Variants in LARGE1 observed in about 807,000 individuals in gnomAD.
LARGE1 encodes LARGE xylosyl- and glucuronyltransferase 1, also known as xylosyl- and glucuronyltransferase LARGE1.
In LARGE1, 43 loss-of-function variants were observed where a neutral mutation model predicts 87.6. The ratio of observed to expected loss-of-function variants is 0.49; its 90% CI spans 0.38 to 0.63. The LOEUF (loss-of-function observed/expected upper bound fraction) is 0.63, where lower values mean the gene tolerates loss of function less well. Ranked by LOEUF, LARGE1 falls within the 30% of genes least tolerant of loss-of-function variation. The probability of loss-of-function intolerance (pLI) is 0.00; values close to 1 mark genes in which losing one functional copy is unlikely to be tolerated. For missense variants in LARGE1, 802 were observed against 1,000.2 expected, an observed-to-expected ratio of 0.80 and a Z score of 2.67; for synonymous variants, 434 against 394.6, an observed-to-expected ratio of 1.10 and a Z score of -1.18.
At chr22:33,338,299 G>A (rs1938724385) in intron 9 of LARGE1, among the ~76,000 whole-genome samples, 1 of 152,094 alleles carries the variant, frequency 6.6e-6, no homozygotes, top group Admixed American at 6.5e-5. Context: ...GCCCAGCAGT[G>A]GCACCTCCTT....
intron 1 of LARGE1, among the ~76,000 whole-genome samples, chr22:33,874,932 C>T (rs1601829647): frequency 6.6e-6 from 1 of 152,244 alleles, no homozygotes; most frequent in East Asian, 1.9e-4. Flanking sequence ...GTTGTGATCC[C>T]CATTTTACAG....
At chr22:33,372,054 A>G (rs1474111777) in intron 9 of LARGE1, among the ~76,000 whole-genome samples, 1 of 152,166 alleles carries the variant, frequency 6.6e-6, no homozygotes, top group Non-Finnish European at 1.5e-5. Context: ...TTTATAAAAT[A>G]ACTTTTCATG....
chr22:33,753,681 G>A (rs1464941437), intron 2 of LARGE1, among the ~76,000 whole-genome samples: 1 of 152,172 alleles, frequency 6.6e-6, no homozygotes, highest in Non-Finnish European at 1.5e-5. Flanking sequence ...TAAAGGAGAT[G>A]CAGCCAATGG....
chr22:33,772,036 G>A (rs1439086895), intron 1 of LARGE1, among the ~76,000 whole-genome samples: 1 of 152,134 alleles, frequency 6.6e-6, no homozygotes, highest in Non-Finnish European at 1.5e-5. Context: ...AACTCCACTT[G>A]AAATTACTCA....
intron 1 of LARGE1, among the ~76,000 whole-genome samples, chr22:33,869,329 C>A (rs1023075736): frequency 2.0e-5 from 3 of 152,118 alleles, no homozygotes; most frequent in Non-Finnish European, 4.4e-5. Flanking sequence ...TGTGGCAAGG[C>A]TAAAATTAGG....
chr22:33,878,812 G>A (rs917821914), intron 1 of LARGE1, among the ~76,000 whole-genome samples: 15 of 152,160 alleles, frequency 9.9e-5, no homozygotes, highest in African/African-American at 3.4e-4. Flanking sequence ...TGGGATCACC[G>A]ATGGATGCTG....
At position 33,920,159 on chromosome 22, in the gene LARGE1, A is replaced by C. The variant is rs886057463; in HGVS notation, c.-247T>G. ...AGAGTTCGGGACTGCCCCCGGCTCCAAATGCCGCGGCGAGGGTCCGGGTCC... is the reference window on the plus strand; with the variant it reads ...AGAGTTCGGGACTGCCCCCGGCTCCCAATGCCGCGGCGAGGGTCCGGGTCC... On this transcript the variant is annotated 5_prime_UTR_variant, in exon 1 of 15. Coordinates refer to ENST00000397394, the MANE Select transcript of LARGE1 (RefSeq NM_133642.5). The C allele has an allele frequency of 3.9e-5, 6 of 152,244 alleles. No individual in the cohort carries two copies. 9.4% of individuals were successfully genotyped at this position (152,244 alleles called of 1,614,324 possible). A position where few individuals can be genotyped will look rare whatever the true frequency, so the allele number is the denominator to read the frequency against.
intron 1 of LARGE1, among the ~76,000 whole-genome samples, chr22:33,875,409 G>C (rs1203049955): frequency 6.6e-6 from 1 of 152,196 alleles, no homozygotes; most frequent in Non-Finnish European, 1.5e-5. Flanking sequence ...GCCACCACCT[G>C]TCCCTCTTGA....
intron 6 of LARGE1, among the ~76,000 whole-genome samples, chr22:33,476,675 G>A (rs1017750331): frequency 1.3e-5 from 2 of 151,796 alleles, no homozygotes; most frequent in Admixed American, 6.6e-5. Context: ...TTCCTTTTTG[G>A]TTCTCTTCCC....
intron 1 of LARGE1, among the ~76,000 whole-genome samples, chr22:33,863,045 A>C (rs2063978139): frequency 6.6e-6 from 1 of 152,220 alleles, no homozygotes; most frequent in Non-Finnish European, 1.5e-5. Context: ...AATGTGTTGC[A>C]GAAAGCGGTT....
At chr22:33,569,830 C>T (rs538141564) in intron 5 of LARGE1, among the ~76,000 whole-genome samples, 1 of 152,366 alleles carries the variant, frequency 6.6e-6, no homozygotes, top group Admixed American at 6.5e-5. Flanking sequence ...CTCTCCTGCA[C>T]TTGACTGAAA....
rs150205490 is a variant in LARGE1, at chr22:33,324,261, C to CAA, written c.1288-8015_1288-8014dup. 3.8e-4 allele frequency among the ~76,000 whole-genome samples: 36 copies of CAA among 94,608 alleles called. No individual in the cohort carries two copies. The South Asian group carries it at 4.3e-3, about 11-fold the overall frequency. 62.1% of individuals were successfully genotyped at this position (94,608 alleles called of 152,430 possible). On this transcript the variant is annotated intron_variant, in intron 10 of 14. Transcript: ENST00000397394. ...AAAAAAAAAAAAAAAAAAAAAAAGC[C>CAA]AAAAAAACAAAAACAAAAAGCCAAA...
chr22:33,461,218 T>C lies in LARGE1; in HGVS notation c.788-28953A>G, dbSNP rs186419468. The stretch of plus-strand genomic sequence containing the variant: ...TCCAAGGATTGCTACAGCCCAGGAG[T>C]TGGAGGTTACAGTGAGCTATGATTG... On this transcript the variant is annotated intron_variant, in intron 6 of 14. Coordinates refer to ENST00000397394, the MANE Select transcript of LARGE1 (RefSeq NM_133642.5). 1.6e-3 allele frequency among the ~76,000 whole-genome samples: 243 copies of C among 152,010 alleles called. 2 individuals are homozygous for C. The Middle Eastern group carries it at 0.017, about 11-fold the overall frequency.
At chr22:33,671,067 TC>T (rs2081394912) in intron 2 of LARGE1, among the ~76,000 whole-genome samples, 2 of 152,156 alleles carry the variant, frequency 1.3e-5, no homozygotes, top group South Asian at 4.1e-4. Context: ...CAAGCCCTGG[TC>T]GAAGTGGGGA....
intron 7 of LARGE1, among the ~76,000 whole-genome samples, chr22:33,396,151 C>T (rs746808291): frequency 2.2e-4 from 34 of 152,218 alleles, no homozygotes; most frequent in African/African-American, 7.0e-4. Context: ...ATGGACACAG[C>T]GCAGCTGCTC....
chr22:33,876,377 G>C (rs532078914), intron 1 of LARGE1, among the ~76,000 whole-genome samples: 248 of 152,148 alleles, frequency 1.6e-3, no homozygotes, highest in Middle Eastern at 3.4e-3. Context: ...TGATGGGAGA[G>C]GGGGAGGTGC....
chr22:33,608,081 C>G (rs569801483), intron 4 of LARGE1, among the ~76,000 whole-genome samples: 1 of 152,296 alleles, frequency 6.6e-6, no homozygotes, highest in African/African-American at 2.4e-5. Context: ...ACCAGGGAGA[C>G]AGACGGTCCA....
At chr22:33,334,967 T>C (rs557808381) in intron 10 of LARGE1, among the ~76,000 whole-genome samples, 46 of 152,078 alleles carry the variant, frequency 3.0e-4, no homozygotes, top group African/African-American at 1.0e-3. Context: ...GGGAAGGAGA[T>C]GGTAGGAAAA....
intron 9 of LARGE1, among the ~76,000 whole-genome samples, chr22:33,341,389 C>T (rs953374322): frequency 6.6e-6 from 1 of 152,068 alleles, no homozygotes; most frequent in Non-Finnish European, 1.5e-5. Flanking sequence ...TGGGTATCCA[C>T]AGCTCAGTCA....
Sources: gnomAD v4.1 joint callset for allele counts (sites outside exome capture counted in the v4.1 genomes callset) on GRCh38, gnomAD v4.1.1 for gene constraint, MANE v1.5 for transcripts, NCBI Gene and HGNC (gene_info 2026-07-23, HGNC 2026-07-21) for gene names.